NDUFA10: variants seen among roughly 807,000 people sequenced by gnomAD.
NDUFA10 encodes NADH:ubiquinone oxidoreductase subunit A10.
In NDUFA10, 40 loss-of-function variants were observed where a neutral mutation model predicts 47.8. The ratio of observed to expected loss-of-function variants is 0.84; its 90% CI spans 0.65 to 1.09. The LOEUF is 1.09. NDUFA10 is among the 50% of genes least tolerant of loss of function. The pLI is 0.00. For missense variants in NDUFA10, 413 were observed against 451.1 expected (o/e 0.92, Z 0.76); for synonymous variants, 183 against 172.2 (o/e 1.06, Z -0.49).
At chr2:240,011,830 G>A (rs1049142077) in intron 5 of NDUFA10, 134 bp from the exon 6 acceptor site, 8 of 767,938 alleles carry the variant, frequency 1.0e-5, no homozygotes, top group South Asian at 2.9e-5. Context: ...TGGGGACTGC[G>A]GGGTGACAGC....
At chr2:239,904,047 C>A (rs1346479420) in intron 4 of NDUFA10, among the ~76,000 whole-genome samples, 1 of 151,442 alleles carries the variant, frequency 6.6e-6, no homozygotes, top group Non-Finnish European at 1.5e-5. Context: ...CTGTCCTGAG[C>A]GCATGGGGTC....
At chr2:240,022,361 C>A (rs1697658315) in intron 1 of NDUFA10, 21 bp from the exon 2 acceptor site, 1 of 1,613,944 alleles carries the variant, frequency 6.2e-7, no homozygotes, top group Non-Finnish European at 8.5e-7. Context: ...CAAAATCACA[C>A]AGCAGCACAT....
In NDUFA10 at chr2:239,958,893, A is replaced by C; in HGVS notation, c.*2225T>G. 1.0e-6 allele frequency: 1 copy of C among 966,420 alleles called. No homozygotes were observed. The highest frequency in any genetic ancestry group is 1.2e-6 in the Non-Finnish European group (1 of 812,580). The allele number at this position is 966,420 out of a possible 1,614,324, so 59.9% of individuals were successfully genotyped here. A position where few individuals can be genotyped will look rare whatever the true frequency, so the allele number is the denominator to read the frequency against. On this transcript the variant is annotated 3_prime_UTR_variant, in exon 10 of 10. Coordinates refer to ENST00000252711, the MANE Select transcript of NDUFA10 (RefSeq NM_004544.4). ...GATCTCCAAAGCACTGAGAAGTCCA[A>C]CATGGAATCCTGGAAAATGCACGAT...
Position 239,959,212 on chromosome 2 carries a change from A to G in NDUFA10, c.*1906T>C. 1 of 708,910 alleles carries G rather than the reference A, an allele frequency of 1.4e-6. No individual in the cohort carries two copies. Among genetic ancestry groups the G allele is most frequent in the Non-Finnish European group, 1.7e-6 (1 of 587,000 alleles). 43.9% of individuals were successfully genotyped at this position (708,910 alleles called of 1,614,324 possible). On this transcript the variant is annotated 3_prime_UTR_variant, in exon 10 of 10. Transcript: ENST00000252711. ...GGGTCAGACGCAAACACAGGGGATG[A>G]TCAGAGCACCCGAGTCCACACCATG...
At chr2:239,894,034 C>T in intron 5 of NDUFA10, among the ~76,000 whole-genome samples, 1 of 141,254 alleles carries the variant, frequency 7.1e-6, no homozygotes. Context: ...CCCTGCCTCC[C>T]ATCCTCAACT....
chr2:239,899,006 GTGA>G (rs1190516407), intron 4 of NDUFA10, among the ~76,000 whole-genome samples: 14 of 113,400 alleles, frequency 1.2e-4, no homozygotes, highest in Non-Finnish European at 2.7e-4. Context: ...ATGGAGAGGT[GTGA>G]TGGAGGGGAG....
At chr2:239,915,104 TACAC>T (rs879260835) in intron 4 of NDUFA10, among the ~76,000 whole-genome samples, 16,012 of 95,784 alleles carry the variant, frequency 0.17, 1,396 homozygotes, top group African/African-American at 0.21. Context: ...TACACAAACA[TACAC>T]ACACACAGAA....
chr2:240,001,701 T>G (rs1696727567), intron 8 of NDUFA10, among the ~76,000 whole-genome samples: 1 of 152,228 alleles, frequency 6.6e-6, no homozygotes, highest in Non-Finnish European at 1.5e-5. Context: ...TGTCCTAAAG[T>G]TAAAATTACT....
intron 9 of NDUFA10, 125 bp downstream of exon 9, chr2:239,989,949 G>T (rs2106442956): frequency 1.3e-6 from 1 of 753,992 alleles, no homozygotes; most frequent in African/African-American, 1.7e-5. Flanking sequence ...TGAAAAAGAG[G>T]CTCCTTCACT....
At chr2:239,996,343 T>C (rs978801502) in intron 8 of NDUFA10, among the ~76,000 whole-genome samples, 2 of 152,214 alleles carry the variant, frequency 1.3e-5, no homozygotes, top group Non-Finnish European at 2.9e-5. Flanking sequence ...CAGTGTATTC[T>C]CAGACCACAA....
intron 8 of NDUFA10, among the ~76,000 whole-genome samples, chr2:239,991,435 C>G (rs1696244569): frequency 6.6e-6 from 1 of 152,170 alleles, no homozygotes; most frequent in African/African-American, 2.4e-5. Flanking sequence ...TACATACTTA[C>G]AGATAAGATC....
chr2:239,969,423 G>A lies in NDUFA10; in HGVS notation c.1000-8237C>T, dbSNP rs991474106. Reference sequence around the variant, plus strand: ...GGAGGAAAGTGTGCTCCTCTGCAACGCTCCTGCTGCTCCTGACCCTCAGGA... The same window carrying A: ...GGAGGAAAGTGTGCTCCTCTGCAACACTCCTGCTGCTCCTGACCCTCAGGA... On this transcript the variant is annotated intron_variant, in intron 9 of 9. Coordinates refer to ENST00000252711, the MANE Select transcript of NDUFA10 (RefSeq NM_004544.4). 6.0e-5 allele frequency: 18 copies of A among 301,528 alleles called. 1 individual carries two copies. In the East Asian group the frequency reaches 8.8e-4, roughly 15 times the overall value. The allele number at this position is 301,528 out of a possible 1,614,324, so 18.7% of individuals were successfully genotyped here. A position where few individuals can be genotyped will look rare whatever the true frequency, so the allele number is the denominator to read the frequency against.
chr2:240,001,349 A>G (rs1159893259), intron 8 of NDUFA10, among the ~76,000 whole-genome samples: 2 of 152,248 alleles, frequency 1.3e-5, no homozygotes, highest in Non-Finnish European at 2.9e-5. Flanking sequence ...TCAGAGTATA[A>G]TAATATACCA....
intron 8 of NDUFA10, among the ~76,000 whole-genome samples, chr2:239,996,200 G>A (rs1206716254): frequency 2.0e-5 from 3 of 152,088 alleles, no homozygotes; most frequent in Non-Finnish European, 2.9e-5. Flanking sequence ...CAATCGGCTC[G>A]ATCTGACATT....
At chr2:239,935,835 C>G (rs1459738147) in intron 4 of NDUFA10, among the ~76,000 whole-genome samples, 3 of 152,166 alleles carry the variant, frequency 2.0e-5, no homozygotes, top group African/African-American at 7.2e-5. Flanking sequence ...GATTGTGAGG[C>G]CTCCCCAGCC....
intron 4 of NDUFA10, among the ~76,000 whole-genome samples, chr2:239,896,354 T>C (rs1475625940): frequency 6.6e-6 from 1 of 152,238 alleles, no homozygotes; most frequent in Non-Finnish European, 1.5e-5. Context: ...CACAGAGCCC[T>C]TCTTAAGTGC....
chr2:239,909,567 C>T (rs147222677), intron 4 of NDUFA10, among the ~76,000 whole-genome samples: 2,356 of 152,148 alleles, frequency 0.015, 58 homozygotes, highest in African/African-American at 0.053. Context: ...GAGCCGAGAT[C>T]GCACCACTGC....
chr2:240,018,254 G>C (rs1042355504), intron 4 of NDUFA10, among the ~76,000 whole-genome samples: 2 of 152,182 alleles, frequency 1.3e-5, no homozygotes, highest in African/African-American at 2.4e-5. Flanking sequence ...AGCTAAGAGC[G>C]GGGGAGGTTC....
rs537877452 is a variant in NDUFA10 at position 239,983,521 on chromosome 2, C to T, written c.999+6553G>A. 179 of 1,600,668 alleles carry T rather than the reference C, an allele frequency of 1.1e-4. No homozygotes were observed. The South Asian group carries it at 1.9e-3, about 17-fold the overall frequency. ...AAACAGTCAGACAATTCTTACTCAA[C>T]AAAGGAACATAAAGGCTGTGGTGTG... is the stretch of plus-strand genomic sequence containing the variant. On this transcript the variant is annotated intron_variant, in intron 9 of 9. Coordinates refer to ENST00000252711, the MANE Select transcript of NDUFA10 (RefSeq NM_004544.4).
Sources: allele counts gnomAD v4.1 joint callset (sites outside exome capture counted in the v4.1 genomes callset), GRCh38; gene constraint gnomAD v4.1.1; transcripts MANE v1.5; gene names NCBI Gene and HGNC (gene_info 2026-07-23, HGNC 2026-07-21).